PTPN11: variants seen among roughly 807,000 people sequenced by gnomAD.
The protein encoded by PTPN11 is tyrosine-protein phosphatase non-receptor type 11.
Under a neutral mutation model 78.8 loss-of-function variants are expected in PTPN11, and 6 were observed. The ratio of observed to expected loss-of-function variants is 0.08; its 90% CI spans 0.04 to 0.15. The LOEUF (loss-of-function observed/expected upper bound fraction) is 0.15, where lower values mean the gene tolerates loss of function less well. Among genes scored for constraint, PTPN11 ranks in the 10% least tolerant of loss-of-function variants. PTPN11 has a pLI of 1.00. For missense variants in PTPN11, 386 were observed against 744.8 expected, an observed-to-expected ratio of 0.52 and a Z score of 5.61; for synonymous variants, 221 against 263.5, an observed-to-expected ratio of 0.84 and a Z score of 1.56.
intron 11 of PTPN11, among the ~76,000 whole-genome samples, chr12:112,487,888 ATTCTC>A (rs2038700068): frequency 6.6e-6 from 1 of 152,068 alleles, no homozygotes; most frequent in Non-Finnish European, 1.5e-5. Context: ...GGTTCAAGCA[ATTCTC>A]ATGTCTCAGC....
rs150365988 is a variant in PTPN11 at position 112,493,808 on chromosome 12, C to T, written c.1599+4633C>T. Reference sequence around the variant, plus strand: ...AAAGTCTCCTTGTTTTCCCTACCCCCAACCCCTGGTAATCACTGCTTTAAT... The same window carrying T: ...AAAGTCTCCTTGTTTTCCCTACCCCTAACCCCTGGTAATCACTGCTTTAAT... On this transcript the variant is annotated intron_variant, in intron 13 of 15. Transcript: ENST00000351677. Among the ~76,000 whole-genome samples, 438 of 152,334 alleles carry T rather than the reference C, an allele frequency of 2.9e-3. 6 individuals are homozygous for T. Among genetic ancestry groups the T allele is most frequent in the African/African-American group, 0.01 (429 of 41,576 alleles).
At chr12:112,490,291 T>C (rs2038730424) in intron 13 of PTPN11, among the ~76,000 whole-genome samples, 1 of 151,294 alleles carries the variant, frequency 6.6e-6, no homozygotes, top group South Asian at 2.1e-4. Flanking sequence ...AGTTGGAGCA[T>C]GTTCAGGGAT....
Position 112,425,006 on chromosome 12 carries a change from G to A in PTPN11, c.14+5881G>A, listed in dbSNP as rs920960422. On this transcript the variant is annotated intron_variant, in intron 1 of 15. Transcript: ENST00000351677. ...TGTGTGTGTGTGTGTGTGTGTGTGTGTGTATGTAGAGATGGGGTTTTGCCA... is the reference window on the plus strand; with the variant it reads ...TGTGTGTGTGTGTGTGTGTGTGTGTATGTATGTAGAGATGGGGTTTTGCCA... 9.2e-3 allele frequency among the ~76,000 whole-genome samples: 1,228 copies of A among 134,094 alleles called. 32 individuals are homozygous for A. Among genetic ancestry groups the A allele is most frequent in the African/African-American group, 0.032 (1,033 of 31,858 alleles). 88.0% of individuals were successfully genotyped at this position (134,094 alleles called of 152,430 possible).
intron 7 of PTPN11, among the ~76,000 whole-genome samples, chr12:112,476,964 C>T (rs959691834): frequency 6.6e-6 from 1 of 152,112 alleles, no homozygotes; most frequent in Admixed American, 6.6e-5. Context: ...TATTTTGAAG[C>T]CCATCTCAGA....
chr12:112,426,114 C>A (rs1425829300), intron 1 of PTPN11, among the ~76,000 whole-genome samples: 1 of 152,190 alleles, frequency 6.6e-6, no homozygotes, highest in African/African-American at 2.4e-5. Context: ...TATTCAGCAT[C>A]ATTGTATTTT....
chr12:112,432,192 T>C (rs1027707427), intron 1 of PTPN11, among the ~76,000 whole-genome samples: 1 of 152,196 alleles, frequency 6.6e-6, no homozygotes, highest in African/African-American at 2.4e-5. Flanking sequence ...TGGTAATGTA[T>C]GTAGTATTGG....
chr12:112,438,325 T>A (rs954860402), intron 1 of PTPN11, among the ~76,000 whole-genome samples: 3 of 152,142 alleles, frequency 2.0e-5, no homozygotes, highest in Non-Finnish European at 4.4e-5. Flanking sequence ...TATTGTTTTC[T>A]TGTGTGTGTT....
chr12:112,436,598 G>C (rs1293265121), intron 1 of PTPN11, among the ~76,000 whole-genome samples: 2 of 152,100 alleles, frequency 1.3e-5, no homozygotes, highest in African/African-American at 2.4e-5. Context: ...TAGTCTTTTG[G>C]GTTGAAAAAC....
intron 2 of PTPN11, among the ~76,000 whole-genome samples, chr12:112,449,538 C>G (rs1254591518): frequency 6.6e-6 from 1 of 151,912 alleles, no homozygotes; most frequent in African/African-American, 2.4e-5. Context: ...AAAATTGCTG[C>G]ATAGTATTCC....
intron 10 of PTPN11, among the ~76,000 whole-genome samples, chr12:112,484,114 T>C (rs2038638871): frequency 6.6e-6 from 1 of 151,330 alleles, no homozygotes; most frequent in African/African-American, 2.4e-5. Flanking sequence ...GAGCTGAGAG[T>C]GATTGTATTC....
At chr12:112,443,638 G>A (rs557814483) in intron 1 of PTPN11, among the ~76,000 whole-genome samples, 104 of 150,566 alleles carry the variant, frequency 6.9e-4, no homozygotes, top group African/African-American at 2.5e-3. Context: ...ACAGGTGTGA[G>A]CCACTGTGCC....
chr12:112,483,226 C>T (rs1298575056), intron 10 of PTPN11, among the ~76,000 whole-genome samples: 6 of 143,520 alleles, frequency 4.2e-5, no homozygotes, highest in Admixed American at 7.2e-5. Context: ...CTTGTTCTGT[C>T]ACCCAGACTG....
At chr12:112,500,211 C>T (rs371976904) in intron 13 of PTPN11, among the ~76,000 whole-genome samples, 1 of 152,114 alleles carries the variant, frequency 6.6e-6, no homozygotes, top group African/African-American at 2.4e-5. Flanking sequence ...CCACTGCACT[C>T]CAGCCTGGGT....
chr12:112,491,399 A>T (rs2038743087), intron 13 of PTPN11, among the ~76,000 whole-genome samples: 1 of 152,204 alleles, frequency 6.6e-6, no homozygotes, highest in African/African-American at 2.4e-5. Context: ...GTTTAAAATT[A>T]AAAATGTAAA....
rs747798804 is a variant in PTPN11 at position 112,446,415 on chromosome 12, A to G, written c.137+17A>G. The G allele has an allele frequency of 6.2e-7, 1 of 1,613,980 alleles. No homozygotes were observed. Among genetic ancestry groups the G allele is most frequent in the Non-Finnish European group, 8.5e-7 (1 of 1,179,986 alleles). On this transcript the variant is annotated intron_variant, in intron 2 of 15. Coordinates refer to ENST00000351677, the MANE Select transcript of PTPN11 (RefSeq NM_002834.5). Reference sequence around the variant, plus strand: ...TTCCGTTAGGTAAGTTGGAATGAAAAGAGAGGATCCTGAGAGTGTTTTCTA... The same window carrying G: ...TTCCGTTAGGTAAGTTGGAATGAAAGGAGAGGATCCTGAGAGTGTTTTCTA...
At position 112,482,580 on chromosome 12, in the gene PTPN11, A is replaced by G. The variant is rs1427100306; in HGVS notation, c.1224+375A>G. 6.6e-6 allele frequency among the ~76,000 whole-genome samples: 1 copy of G among 152,164 alleles called. No individual in the cohort carries two copies. The highest frequency in any genetic ancestry group is 1.5e-5 in the Non-Finnish European group (1 of 68,028). ...CTGGGATAGGGTGACCTGAGTGGCT[A>G]CAAGGTCTGTTAGGAGGCCTCCGCA... On this transcript the variant is annotated intron_variant, in intron 10 of 15. Transcript: ENST00000351677. The surrounding 1 kb of genome is among the most constrained non-coding windows in gnomAD (Gnocchi z 4.4).
In PTPN11 at chr12:112,418,990, C is replaced by A; in HGVS notation, c.-122C>A. 1 of 1,289,976 alleles carries A rather than the reference C, an allele frequency of 7.8e-7. No homozygotes were observed. Among genetic ancestry groups the A allele is most frequent in the South Asian group, 1.3e-5 (1 of 77,590 alleles). The allele number at this position is 1,289,976 out of a possible 1,614,324, so 79.9% of individuals were successfully genotyped here. A position where few individuals can be genotyped will look rare whatever the true frequency, so the allele number is the denominator to read the frequency against. On this transcript the variant is annotated 5_prime_UTR_variant, in exon 1 of 16. Coordinates refer to ENST00000351677, the MANE Select transcript of PTPN11 (RefSeq NM_002834.5). ...GCCTGGAGGGGGGTCTGTGCGCGGCCGGCTGGCTCTGCCCCGCGTCCGGTC... is the reference window on the plus strand; with the variant it reads ...GCCTGGAGGGGGGTCTGTGCGCGGCAGGCTGGCTCTGCCCCGCGTCCGGTC...
chr12:112,493,383 ATTTTT>A (rs60572157), intron 13 of PTPN11, among the ~76,000 whole-genome samples: 1 of 130,618 alleles, frequency 7.7e-6, no homozygotes. Context: ...TTAAGTGTAC[ATTTTT>A]TTTTTTTTTT....
intron 11 of PTPN11, among the ~76,000 whole-genome samples, chr12:112,487,632 C>A (rs1466845840): frequency 6.6e-6 from 1 of 152,120 alleles, no homozygotes; most frequent in Non-Finnish European, 1.5e-5. Flanking sequence ...AAATCTCATT[C>A]ATTTCTTGGG....
Sources: gnomAD v4.1 joint callset for allele counts (sites outside exome capture counted in the v4.1 genomes callset) on GRCh38, gnomAD v4.1.1 for gene constraint, Gnocchi (gnomAD v3.1) non-coding constraint, MANE v1.5 for transcripts, NCBI Gene and HGNC (gene_info 2026-07-23, HGNC 2026-07-21) for gene names.